The following RASEF variants were observed in gnomAD, a reference collection of about 807,000 sequenced individuals.
The protein encoded by RASEF is RAS and EF-hand domain containing.
A neutral mutation model predicts 90.1 loss-of-function variants in RASEF; 68 were observed. The ratio of observed to expected loss-of-function variants is 0.75; its 90% confidence interval spans 0.62 to 0.92. The LOEUF is 0.92. RASEF is among the 40% of genes least tolerant of loss of function. The probability of loss-of-function intolerance (pLI) is 0.00; values close to 1 mark genes in which losing one functional copy is unlikely to be tolerated. For missense variants in RASEF, 949 were observed against 937.2 expected (o/e 1.01, Z -0.16); for synonymous variants, 331 against 345.2 (o/e 0.96, Z 0.46).
chr9:83,016,453 C>A (rs1218491244), intron 3 of RASEF, among the ~76,000 whole-genome samples: 1 of 137,568 alleles, frequency 7.3e-6, no homozygotes, highest in African/African-American at 2.7e-5. Flanking sequence ...CAGGGGATTG[C>A]CATTCAGAAG....
chr9:83,144,067 C>T, the RASEF span, among the ~76,000 whole-genome samples: 2 of 151,824 alleles, frequency 1.3e-5, no homozygotes, highest in East Asian at 3.9e-4. Flanking sequence ...AAGCAAATAC[C>T]ACATGTTCTC....
chr9:83,005,507 GGT>G lies in RASEF; in HGVS notation c.1029-9_1029-8del. 1 of 1,609,538 alleles carries G rather than the reference GGT, an allele frequency of 6.2e-7. No individual in the cohort carries two copies. Among genetic ancestry groups the G allele is most frequent in the African/African-American group, 1.3e-5 (1 of 74,910 alleles). On this transcript the variant is annotated splice_polypyrimidine_tract_variant and splice_region_variant and intron_variant, in intron 7 of 16. Transcript: ENST00000376447. Reference sequence around the variant, plus strand: ...TAGCTTCCGGTTAGCTGTTCTGCAGGGTAAAGAAACAAGCAGAAAGAGAGACA... The same window carrying G: ...TAGCTTCCGGTTAGCTGTTCTGCAGGAAAGAAACAAGCAGAAAGAGAGACA...
Position 82,981,320 on chromosome 9 carries a change from C to T in RASEF, c.*1357G>A, listed in dbSNP as rs1414632511. ...GTTCTGGAAGGAGAGTAGGCCCAAC[C>T]AGGTCACTGGTGATGATGAGCCACT... On this transcript the variant is annotated 3_prime_UTR_variant, in exon 17 of 17. Transcript: ENST00000376447. The T allele has an allele frequency of 6.6e-6, 1 of 152,196 alleles. No individual in the cohort carries two copies. The highest frequency in any genetic ancestry group is 1.5e-5 in the Non-Finnish European group (1 of 68,060). The allele number at this position is 152,196 out of a possible 1,614,324, so 9.4% of individuals were successfully genotyped here.
the RASEF span, among the ~76,000 whole-genome samples, chr9:83,191,360 G>A: frequency 4.2e-4 from 64 of 152,286 alleles, no homozygotes; most frequent in African/African-American, 1.5e-3. Context: ...ACAGAGTGAT[G>A]AACTGGCAGC....
chr9:83,019,915 G>C (rs185166078), intron 3 of RASEF, among the ~76,000 whole-genome samples: 1 of 152,282 alleles, frequency 6.6e-6, no homozygotes, highest in East Asian at 1.9e-4. Flanking sequence ...CTGGCAAAAA[G>C]GGGCAAAGAA....
the RASEF span, among the ~76,000 whole-genome samples, chr9:83,089,937 GATAGATAGAT>G: frequency 1.3e-5 from 2 of 148,676 alleles, no homozygotes; most frequent in African/African-American, 5.0e-5. Context: ...TAGATAGATA[GATAGATAGAT>G]ATAGATATAT....
chr9:83,052,255 T>C (rs1461312507), intron 1 of RASEF, among the ~76,000 whole-genome samples: 1 of 143,424 alleles, frequency 7.0e-6, no homozygotes, highest in Non-Finnish European at 1.5e-5. Flanking sequence ...ATTCAACTTC[T>C]TCGTGGTTTA....
the RASEF span, among the ~76,000 whole-genome samples, chr9:83,118,425 C>T: frequency 1.3e-5 from 2 of 152,150 alleles, no homozygotes; most frequent in South Asian, 4.1e-4. Context: ...GTTTATGGAT[C>T]AACTTTCGGA....
At chr9:83,007,093 CA>C (rs11394639) in intron 7 of RASEF, among the ~76,000 whole-genome samples, 43 of 127,168 alleles carry the variant, frequency 3.4e-4, no homozygotes, top group Middle Eastern at 3.9e-3. Flanking sequence ...GACTCTGTCT[CA>C]AAAAAAAAAA....
the RASEF span, among the ~76,000 whole-genome samples, chr9:83,116,894 A>T: frequency 1.3e-5 from 2 of 152,188 alleles, no homozygotes; most frequent in African/African-American, 4.8e-5. Context: ...AAGTTGACCA[A>T]TTACTTTCGT....
chr9:83,041,739 G>A (rs1230172989), intron 1 of RASEF, among the ~76,000 whole-genome samples: 1 of 152,138 alleles, frequency 6.6e-6, no homozygotes. Flanking sequence ...ATTTTCTGCA[G>A]AACGGAAGGG....
At chr9:83,056,589 G>T (rs1229867604) in intron 1 of RASEF, among the ~76,000 whole-genome samples, 1 of 152,166 alleles carries the variant, frequency 6.6e-6, no homozygotes, top group East Asian at 1.9e-4. Context: ...AATGAAAAAA[G>T]ATTGGATAAC....
the RASEF span, among the ~76,000 whole-genome samples, chr9:83,118,901 A>ATG: frequency 6.6e-6 from 1 of 152,214 alleles, no homozygotes; most frequent in Non-Finnish European, 1.5e-5. Flanking sequence ...GTCCCATTGG[A>ATG]TGCACAAAAT....
the RASEF span, among the ~76,000 whole-genome samples, chr9:83,121,610 G>GT: frequency 0.37 from 56,019 of 151,912 alleles, 10,844 homozygotes; most frequent in East Asian, 0.71. Context: ...AGACTGTGTG[G>GT]CCCCTGCAGC....
chr9:83,005,180 A>T (rs1829105278), intron 8 of RASEF, among the ~76,000 whole-genome samples: 3 of 152,212 alleles, frequency 2.0e-5, no homozygotes. Flanking sequence ...CTATCTCTAG[A>T]TTCCTAGAAC....
the RASEF span, among the ~76,000 whole-genome samples, chr9:83,156,491 C>T: frequency 6.6e-6 from 1 of 152,164 alleles, no homozygotes; most frequent in Non-Finnish European, 1.5e-5. Flanking sequence ...CCTCTTCTTT[C>T]CTAATTACAC....
chr9:83,055,192 G>A, intron 1 of RASEF: 1 of 195,536 alleles, frequency 5.1e-6, no homozygotes, highest in Admixed American at 5.7e-5. Flanking sequence ...CTAGCAATCA[G>A]CGAGATTCCG....
chr9:83,014,761 C>G (rs1829313548), intron 4 of RASEF, among the ~76,000 whole-genome samples: 1 of 152,218 alleles, frequency 6.6e-6, no homozygotes, highest in African/African-American at 2.4e-5. Context: ...CTGCTTTAAG[C>G]ATCTCTTCTC....
chr9:83,049,286 G>A (rs1441716399), intron 1 of RASEF: 1 of 984,330 alleles, frequency 1.0e-6, no homozygotes, highest in Non-Finnish European at 1.2e-6. Flanking sequence ...CAAAATCAAT[G>A]ACATCAGAAT....
Sources: gnomAD v4.1 joint callset for allele counts (sites outside exome capture counted in the v4.1 genomes callset) on GRCh38, gnomAD v4.1.1 for gene constraint, MANE v1.5 for transcripts, NCBI Gene and HGNC (gene_info 2026-07-23, HGNC 2026-07-21) for gene names.